STON1: variants seen among roughly 807,000 people sequenced by gnomAD.
STON1 encodes the protein stonin 1, also known as stonin-1.
A neutral mutation model predicts 60.9 loss-of-function variants in STON1; 79 were observed. The ratio of observed to expected loss-of-function variants is 1.30; its 90% CI spans 1.08 to 1.56. The LOEUF (loss-of-function observed/expected upper bound fraction) is 1.56, where lower values mean the gene tolerates loss of function less well. Among genes scored for constraint, STON1 ranks in the 40% most tolerant of loss-of-function variants. The probability of loss-of-function intolerance (pLI) is 0.00; values close to 1 mark genes in which losing one functional copy is unlikely to be tolerated. For missense variants in STON1, 1,166 were observed against 858.9 expected (o/e 1.36, Z -4.47); for synonymous variants, 363 against 306.9 (o/e 1.18, Z -1.91).
chr2:48,550,762 A>G (rs1672070512), intron 1 of STON1, among the ~76,000 whole-genome samples: 1 of 151,502 alleles, frequency 6.6e-6, no homozygotes, highest in Non-Finnish European at 1.5e-5. Flanking sequence ...TGCTTTCCAC[A>G]TGTTAAGCAG....
chr2:48,567,777 C>T (rs1031373436), intron 1 of STON1, among the ~76,000 whole-genome samples: 1 of 152,178 alleles, frequency 6.6e-6, no homozygotes, highest in Non-Finnish European at 1.5e-5. Flanking sequence ...ACACACTGGC[C>T]TGTCCCTGAC....
rs183579241 is a variant in STON1 at position 48,575,707 on chromosome 2, C to T, written c.-47-4880C>T. Among the ~76,000 whole-genome samples, 37 of 149,998 alleles carry T rather than the reference C, an allele frequency of 2.5e-4. No individual in the cohort carries two copies. The East Asian group carries it at 6.0e-3, about 24-fold the overall frequency. On this transcript the variant is annotated intron_variant, in intron 1 of 3. Coordinates refer to ENST00000404752, the MANE Select transcript of STON1 (RefSeq NM_006873.4). The stretch of plus-strand genomic sequence containing the variant: ...ATAAATGAATTCTTTTGGATAAATA[C>T]CCGTAAGTGGATTGCTGGATCATAT...
At position 48,580,972 on chromosome 2, in the gene STON1, AC is replaced by A; in HGVS notation, c.340del (p.Leu114SerfsTer36). 6.3e-7 allele frequency: 1 copy of A among 1,579,216 alleles called. No homozygotes were observed. The highest frequency in any genetic ancestry group is 8.6e-7 in the Non-Finnish European group (1 of 1,166,654). The stretch of plus-strand genomic sequence containing the variant: ...TTCCAGAATCATCTTCAGACAGCCC[AC>A]TCGCAATATCAGGAGGAGAATCTTC... ...PIPESSSDSP[L>X]AISGGESSLL... On this transcript the variant is annotated frameshift_variant, in exon 2 of 4. Coordinates refer to ENST00000404752, the MANE Select transcript of STON1 (RefSeq NM_006873.4). LOFTEE classifies it high-confidence loss of function.
rs1270557918 is a variant in STON1 at position 48,596,833 on chromosome 2, G to T, written c.*1531G>T. ...GCAATAGGTGATGGTTGGTTGAAAGGAATTGTTATTGCTGTTTTTATTTTT... is the reference window on the plus strand; with the variant it reads ...GCAATAGGTGATGGTTGGTTGAAAGTAATTGTTATTGCTGTTTTTATTTTT... On this transcript the variant is annotated 3_prime_UTR_variant, in exon 4 of 4. Transcript: ENST00000404752. 6.6e-6 allele frequency: 1 copy of T among 152,078 alleles called. No homozygotes were observed. The highest frequency in any genetic ancestry group is 2.4e-5 in the African/African-American group (1 of 41,422). The allele number at this position is 152,078 out of a possible 1,614,324, so 9.4% of individuals were successfully genotyped here. A position where few individuals can be genotyped will look rare whatever the true frequency, so the allele number is the denominator to read the frequency against.
At chr2:48,574,997 C>G (rs1266754502) in intron 1 of STON1, among the ~76,000 whole-genome samples, 1 of 152,216 alleles carries the variant, frequency 6.6e-6, no homozygotes, top group Non-Finnish European at 1.5e-5. Context: ...GAAACTATAT[C>G]CACTGAACAG....
intron 1 of STON1, among the ~76,000 whole-genome samples, chr2:48,535,198 A>G (rs2103733589): frequency 6.6e-6 from 1 of 152,284 alleles, no homozygotes; most frequent in Admixed American, 6.5e-5. Flanking sequence ...ATGGAATGCC[A>G]GGGGAAATAA....
intron 2 of STON1, 47 bp downstream of exon 2, chr2:48,582,610 A>G (rs769580797): frequency 1.0e-5 from 16 of 1,569,258 alleles, no homozygotes; most frequent in Middle Eastern, 1.7e-4. Context: ...AATAGCTTAA[A>G]TATTCTTACC....
At chr2:48,592,160 T>TA (rs1331853213) in intron 3 of STON1, among the ~76,000 whole-genome samples, 2 of 152,218 alleles carry the variant, frequency 1.3e-5, no homozygotes, top group African/African-American at 4.8e-5. Flanking sequence ...TTTCTCAAAA[T>TA]ATGTGCTGCA....
At chr2:48,546,638 C>T (rs1289333401) in intron 1 of STON1, among the ~76,000 whole-genome samples, 1 of 152,202 alleles carries the variant, frequency 6.6e-6, no homozygotes, top group Non-Finnish European at 1.5e-5. Flanking sequence ...ATGCCCTAAG[C>T]TAAAGGACTA....
In STON1 at chr2:48,595,521, A is replaced by G. The variant is rs1234279066; in HGVS notation, c.*219A>G. ...TAGGGGTTCGATCTAAAATGTTTCT[A>G]TAATTCGTGTGATGTTTTGCTTCCT... On this transcript the variant is annotated 3_prime_UTR_variant, in exon 4 of 4. Transcript: ENST00000404752. The G allele has an allele frequency of 4.1e-6, 2 of 490,640 alleles. No homozygotes were observed. The highest frequency in any genetic ancestry group is 8.0e-5 in the Admixed American group (2 of 25,040). The allele number at this position is 490,640 out of a possible 1,614,324, so 30.4% of individuals were successfully genotyped here.
chr2:48,533,767 CTTTT>C (rs67961428), intron 1 of STON1, among the ~76,000 whole-genome samples: 9 of 90,560 alleles, frequency 9.9e-5, no homozygotes, highest in African/African-American at 1.3e-4. Context: ...TTACACAGGA[CTTTT>C]TTTTTTTTTT....
chr2:48,547,290 G>A (rs1671898051), intron 1 of STON1, among the ~76,000 whole-genome samples: 1 of 152,134 alleles, frequency 6.6e-6, no homozygotes, highest in Admixed American at 6.5e-5. Flanking sequence ...TCAAATGACC[G>A]GTGCTTTACA....
chr2:48,576,441 C>T (rs535160147), intron 1 of STON1, among the ~76,000 whole-genome samples: 6 of 150,896 alleles, frequency 4.0e-5, no homozygotes, highest in East Asian at 2.0e-4. Context: ...CCTCCCGCCT[C>T]GGCTTTCCAA....
At position 48,581,318 on chromosome 2, in the gene STON1, A is replaced by G. The variant is rs763117903; in HGVS notation, c.685A>G (p.Ile229Val). The G allele has an allele frequency of 1.3e-6, 2 of 1,531,720 alleles. No individual in the cohort carries two copies. Among genetic ancestry groups the G allele is most frequent in the East Asian group, 4.5e-5 (2 of 44,254 alleles). The allele number at this position is 1,531,720 out of a possible 1,614,324, so 94.9% of individuals were successfully genotyped here. Residue 229 changes from isoleucine (I) to valine (V), a missense_variant, in exon 2 of 4, where the codon ATC (isoleucine) becomes GTC (valine). Coordinates refer to ENST00000404752, the MANE Select transcript of STON1 (RefSeq NM_006873.4). ...CCTAAATAAGTGTTCACTCAACTATATCTGTGAGAAGCTTGAACATCTCCA... is the reference window on the plus strand; with the variant it reads ...CCTAAATAAGTGTTCACTCAACTATGTCTGTGAGAAGCTTGAACATCTCCA... ...KSLNKCSLNYICEKLEHLQSA... is the reference protein window; with the variant it reads ...KSLNKCSLNYVCEKLEHLQSA...
intron 1 of STON1, among the ~76,000 whole-genome samples, chr2:48,561,653 GC>G (rs1553358624): frequency 2.0e-5 from 3 of 152,132 alleles, no homozygotes; most frequent in Non-Finnish European, 4.4e-5. Flanking sequence ...CTTACTAGAC[GC>G]TAGTAGCATT....
At chr2:48,582,713 G>A in intron 2 of STON1, 150 bp downstream of exon 2, 1 of 1,356,746 alleles carries the variant, frequency 7.4e-7, no homozygotes. Context: ...TAGCTAAACA[G>A]CTGGTTTATT....
chr2:48,558,314 G>A (rs188647422), intron 1 of STON1, among the ~76,000 whole-genome samples: 9 of 152,316 alleles, frequency 5.9e-5, no homozygotes, highest in East Asian at 1.9e-4. Context: ...ATGGAATTCC[G>A]TGGAAGTAGA....
In STON1 at chr2:48,595,501, G is replaced by T; in HGVS notation, c.*199G>T. The T allele has an allele frequency of 1.9e-6, 1 of 532,786 alleles. No individual in the cohort carries two copies. Among genetic ancestry groups the T allele is most frequent in the Non-Finnish European group, 3.3e-6 (1 of 302,380 alleles). The allele number at this position is 532,786 out of a possible 1,614,324, so 33.0% of individuals were successfully genotyped here. A position where few individuals can be genotyped will look rare whatever the true frequency, so the allele number is the denominator to read the frequency against. On this transcript the variant is annotated 3_prime_UTR_variant, in exon 4 of 4. Transcript: ENST00000404752. ...CTTTTCATGTGTTTTTGTCCTAGGG[G>T]TTCGATCTAAAATGTTTCTATAATT...
At chr2:48,571,201 G>A (rs1292599265) in intron 1 of STON1, among the ~76,000 whole-genome samples, 1 of 152,120 alleles carries the variant, frequency 6.6e-6, no homozygotes. Context: ...AGTTTGCAGG[G>A]TATTCCAGAT....
Sources: gnomAD v4.1 joint callset for allele counts (sites outside exome capture counted in the v4.1 genomes callset) on GRCh38, gnomAD v4.1.1 for gene constraint, MANE v1.5 for transcripts, NCBI Gene and HGNC (gene_info 2026-07-23, HGNC 2026-07-21) for gene names.